Variants in OSBPL11 observed in about 807,000 individuals in gnomAD.
OSBPL11 encodes oxysterol-binding protein-related protein 11.
In OSBPL11, 33 loss-of-function variants were observed where a neutral mutation model predicts 84.4. That is an observed-to-expected ratio of 0.39 (90% CI 0.30 to 0.52). The LOEUF (loss-of-function observed/expected upper bound fraction) is 0.52. OSBPL11 is among the 20% of genes least tolerant of loss of function. The pLI, the probability that OSBPL11 is intolerant of heterozygous loss-of-function variation, is 0.72. For synonymous variants in OSBPL11, 276 were observed against 310.2 expected (o/e 0.89, Z 1.16); for missense variants, 736 against 901.1 (o/e 0.82, Z 2.35).
chr3:125,563,878 G>A lies in OSBPL11; in HGVS notation c.869-35C>T, dbSNP rs367896012. On this transcript the variant is annotated intron_variant, in intron 6 of 12. Transcript: ENST00000296220. ...TAAGAGAAAACTTTCGCTGAAACTT[G>A]CTCATAATCTAGAAAGTTCGGCAGA... The A allele has an allele frequency of 5.8e-4, 928 of 1,605,810 alleles. 13 individuals carry two copies. The South Asian group carries it at 9.7e-3, about 17-fold the overall frequency.
chr3:125,540,445 G>A (rs1935713171), intron 10 of OSBPL11, among the ~76,000 whole-genome samples: 1 of 151,508 alleles, frequency 6.6e-6, no homozygotes, highest in Non-Finnish European at 1.5e-5. Flanking sequence ...GGAATTCTGG[G>A]TTATGCCTCA....
Position 125,563,832 on chromosome 3 carries a change from C to T in OSBPL11, c.880G>A (p.Glu294Lys), listed in dbSNP as rs770349275. ...AAAGATATCTTTGGTTCTAACCACT[C>T]GATTGTCGTTCCTGATGGAGTAAGA... ...KGSLPSGTTI[E>K]WLEPKISLSN... The change falls in exon 7 of 13, where the codon GAG becomes AAG. Residue 294 changes from glutamate (E) to lysine (K), a missense_variant. Around this residue, in one of 3 missense-constraint regions of OSBPL11, gnomAD observed 579 missense variants for 717.6 expected, o/e 0.81. Coordinates refer to ENST00000296220, the MANE Select transcript of OSBPL11 (RefSeq NM_022776.5). 3.1e-5 allele frequency: 50 copies of T among 1,613,610 alleles called. No individual in the cohort carries two copies. Among genetic ancestry groups the T allele is most frequent in the East Asian group, 2.5e-4 (11 of 44,878 alleles).
At chr3:125,539,513 C>T (rs1194849572) in intron 10 of OSBPL11, among the ~76,000 whole-genome samples, 1 of 151,826 alleles carries the variant, frequency 6.6e-6, no homozygotes, top group East Asian at 1.9e-4. Context: ...GTGATCTTGG[C>T]TCACTGCAAC....
intron 2 of OSBPL11, among the ~76,000 whole-genome samples, chr3:125,581,981 A>C (rs1936434374): frequency 6.6e-6 from 1 of 151,796 alleles, no homozygotes; most frequent in Non-Finnish European, 1.5e-5. Context: ...CTCAAAAATA[A>C]TTAATTAATT....
chr3:125,575,426 A>G (rs751794579), intron 5 of OSBPL11, among the ~76,000 whole-genome samples: 3 of 151,944 alleles, frequency 2.0e-5, no homozygotes, highest in African/African-American at 4.8e-5. Context: ...AGGTCTTACT[A>G]TGTTGCCCAG....
At chr3:125,538,425 C>T (rs1935674995) in intron 11 of OSBPL11, 26 bp downstream of exon 11, 4 of 1,602,840 alleles carry the variant, frequency 2.5e-6, no homozygotes, top group South Asian at 1.1e-5. Flanking sequence ...CTGACTCTTT[C>T]CTGGATAGAT....
chr3:125,560,043 C>T (rs972342503), intron 8 of OSBPL11, among the ~76,000 whole-genome samples: 5 of 152,022 alleles, frequency 3.3e-5, no homozygotes, highest in African/African-American at 1.2e-4. Context: ...GGGAGGATCA[C>T]GAGGTCAGGA....
intron 11 of OSBPL11, among the ~76,000 whole-genome samples, chr3:125,535,875 G>T (rs1935634025): frequency 6.6e-6 from 1 of 151,650 alleles, no homozygotes; most frequent in Non-Finnish European, 1.5e-5. Flanking sequence ...GCTCAAGCCT[G>T]TAATTCCAGC....
At chr3:125,532,339 T>C (rs1406228835) in intron 11 of OSBPL11, among the ~76,000 whole-genome samples, 2 of 152,202 alleles carry the variant, frequency 1.3e-5, no homozygotes, top group Admixed American at 1.3e-4. Flanking sequence ...GCAAGACTAA[T>C]TGTGCTTCTG....
chr3:125,560,435 G>A lies in OSBPL11; in HGVS notation c.1099C>T (p.Arg367Cys), dbSNP rs769404206. 5 of 1,607,792 alleles carry A rather than the reference G, an allele frequency of 3.1e-6. No individual in the cohort carries two copies. In the African/African-American group the frequency reaches 6.7e-5, roughly 21 times the overall value. Residue 367 changes from arginine (R) to cysteine (C), a missense_variant, in exon 8 of 13, where the codon CGT becomes TGT. This residue lies in a region of OSBPL11 where 579 missense variants were observed against 717.6 expected (regional missense o/e 0.81). Transcript: ENST00000296220. ...EDDLGAVEEQRSVILHLLSQL... is the reference protein window; with the variant it reads ...EDDLGAVEEQCSVILHLLSQL... ...GACAAGAGATGTAGGATGACACTAC[G>A]TTGTTCTTCTACAGCTCCCAGGTCA...
chr3:125,582,333 CAA>C (rs1235720161), intron 2 of OSBPL11, among the ~76,000 whole-genome samples: 2 of 111,972 alleles, frequency 1.8e-5, no homozygotes, highest in African/African-American at 6.7e-5. Flanking sequence ...GACTCCGTCT[CAA>C]AAAAAAAAAA....
chr3:125,577,188 TG>T (rs756824774), intron 4 of OSBPL11, among the ~76,000 whole-genome samples: 14 of 152,010 alleles, frequency 9.2e-5, no homozygotes, highest in Admixed American at 2.6e-4. Flanking sequence ...AATTCACTTC[TG>T]GGGGAAACCA....
intron 10 of OSBPL11, among the ~76,000 whole-genome samples, chr3:125,539,313 A>ATG (rs1302440302): frequency 9.0e-6 from 1 of 110,914 alleles, no homozygotes; most frequent in Admixed American, 8.5e-5. Context: ...ATATATATAT[A>ATG]TATATATATA....
intron 10 of OSBPL11, among the ~76,000 whole-genome samples, chr3:125,538,872 T>G (rs150589289): frequency 1.1e-4 from 16 of 152,170 alleles, no homozygotes; most frequent in Admixed American, 1.0e-3. Context: ...ATCAGAGACT[T>G]CATTATCATT....
chr3:125,592,620 T>A (rs1936614541), intron 1 of OSBPL11, among the ~76,000 whole-genome samples: 1 of 151,906 alleles, frequency 6.6e-6, no homozygotes, highest in Non-Finnish European at 1.5e-5. Context: ...GGAAACCGAG[T>A]GGCTGGGAAA....
At chr3:125,585,545 A>AC (rs1553736768) in intron 1 of OSBPL11, among the ~76,000 whole-genome samples, 199 of 151,064 alleles carry the variant, frequency 1.3e-3, no homozygotes, top group African/African-American at 4.4e-3. Flanking sequence ...TGAAAAAAAA[A>AC]AAAACAAAAC....
chr3:125,541,614 G>A (rs1003344894), intron 10 of OSBPL11, among the ~76,000 whole-genome samples: 4 of 152,076 alleles, frequency 2.6e-5, no homozygotes, highest in African/African-American at 9.7e-5. Context: ...GTCCTGCTCC[G>A]TCACCCAGGC....
chr3:125,574,455 T>G (rs1293793503), intron 5 of OSBPL11, among the ~76,000 whole-genome samples: 1 of 151,670 alleles, frequency 6.6e-6, no homozygotes, highest in Non-Finnish European at 1.5e-5. Flanking sequence ...AGCACTTCTG[T>G]GACTGACTTG....
intron 5 of OSBPL11, among the ~76,000 whole-genome samples, chr3:125,574,844 C>T (rs940265428): frequency 2.0e-5 from 3 of 152,166 alleles, no homozygotes; most frequent in Non-Finnish European, 2.9e-5. Context: ...CATGCCTGCA[C>T]AGTGTTACAA....
Sources: gnomAD v4.1 joint callset for allele counts (sites outside exome capture counted in the v4.1 genomes callset) on GRCh38, gnomAD v4.1.1 for gene constraint, gnomAD v4.1.1 regional missense constraint, MANE v1.5 for transcripts, NCBI Gene and HGNC (gene_info 2026-07-23, HGNC 2026-07-21) for gene names.